Variants in KCNJ16 observed in about 807,000 individuals in gnomAD.
The protein encoded by KCNJ16 is inward rectifier potassium channel 16.
A neutral mutation model predicts 18.5 loss-of-function variants in KCNJ16; 15 were observed. That is an observed-to-expected ratio of 0.81 (90% CI 0.54 to 1.25). KCNJ16 has a LOEUF of 1.25. Ranked by LOEUF, KCNJ16 falls within the 50% of genes most tolerant of loss-of-function variation. KCNJ16 has a pLI of 0.00. For missense variants in KCNJ16, 523 were observed against 525.7 expected (o/e 0.99, Z 0.05); for synonymous variants, 174 against 186.5 (o/e 0.93, Z 0.55).
intron 2 of KCNJ16, among the ~76,000 whole-genome samples, chr17:70,107,206 C>T (rs4968796): frequency 0.46 from 70,502 of 152,030 alleles, 17,816 homozygotes; most frequent in South Asian, 0.63. Flanking sequence ...ATGTTGGAGA[C>T]GAGATTCAAA....
At position 70,090,924 on chromosome 17, in the gene KCNJ16, T is replaced by G. The variant is rs1170949434; in HGVS notation, c.-299-9734T>G. ...GTGGCTATGAAACAAAGATTCAAAA[T>G]CCTTAGCCTAACCGGTGAATGTTTT... is the stretch of plus-strand genomic sequence containing the variant. On this transcript the variant is annotated intron_variant, in intron 1 of 3. Transcript: ENST00000392671. Among the ~76,000 whole-genome samples, 3 of 152,210 alleles carry G rather than the reference T, an allele frequency of 2.0e-5. No homozygotes were observed. The East Asian group carries it at 5.8e-4, about 29-fold the overall frequency.
chr17:70,128,242 C>A (rs1015240613), intron 2 of KCNJ16: 1 of 152,150 alleles, frequency 6.6e-6, no homozygotes, highest in African/African-American at 2.4e-5. Flanking sequence ...TTGAAATGTA[C>A]TAAATTATTA....
At chr17:70,088,754 G>C (rs1391999966) in intron 1 of KCNJ16, among the ~76,000 whole-genome samples, 1 of 151,558 alleles carries the variant, frequency 6.6e-6, no homozygotes, top group Admixed American at 6.6e-5. Flanking sequence ...TTTCTAACTA[G>C]GAAACTTAGG....
chr17:70,095,661 GTTGT>G (rs1355426347), intron 1 of KCNJ16, among the ~76,000 whole-genome samples: 2 of 151,882 alleles, frequency 1.3e-5, no homozygotes, highest in African/African-American at 4.8e-5. Context: ...TCAGATGATC[GTTGT>G]TTATTTCCAC....
At chr17:70,097,022 T>C (rs145681704) in intron 1 of KCNJ16, 1 of 394,490 alleles carries the variant, frequency 2.5e-6, no homozygotes, top group East Asian at 3.6e-5. Context: ...GAAATCTCCA[T>C]GGTGAAATGC....
At chr17:70,126,702 A>G (rs2073867426) in intron 2 of KCNJ16, among the ~76,000 whole-genome samples, 1 of 152,192 alleles carries the variant, frequency 6.6e-6, no homozygotes. Context: ...ACTATTTATT[A>G]GATTGGTGCA....
At chr17:70,086,883 A>G (rs904481815) in intron 1 of KCNJ16, among the ~76,000 whole-genome samples, 1 of 152,006 alleles carries the variant, frequency 6.6e-6, no homozygotes, top group South Asian at 2.1e-4. Context: ...CTTTTACATC[A>G]ATTGTCACAT....
intron 1 of KCNJ16, among the ~76,000 whole-genome samples, chr17:70,088,739 T>G (rs1476111853): frequency 1.3e-5 from 2 of 152,150 alleles, no homozygotes; most frequent in Non-Finnish European, 2.9e-5. Flanking sequence ...CAAGTGATTT[T>G]TTTTTTTCTA....
chr17:70,078,332 A>G (rs1201355426), intron 1 of KCNJ16, among the ~76,000 whole-genome samples: 2 of 140,732 alleles, frequency 1.4e-5, no homozygotes, highest in East Asian at 4.4e-4. Flanking sequence ...GTCCCAAATT[A>G]GATTTATCCA....
chr17:70,121,900 A>G (rs937650663), intron 2 of KCNJ16, among the ~76,000 whole-genome samples: 4 of 152,200 alleles, frequency 2.6e-5, no homozygotes, highest in Non-Finnish European at 4.4e-5. Flanking sequence ...CAGAGGTTGC[A>G]GTGTGCCAAA....
At chr17:70,130,732 T>G in intron 2 of KCNJ16, 147 bp from the exon 3 acceptor site, 1 of 569,696 alleles carries the variant, frequency 1.8e-6, no homozygotes, top group Non-Finnish European at 3.1e-6. Context: ...ATTTTCTATG[T>G]AATAGAGAGG....
chr17:70,081,283 C>T (rs1432313320), intron 1 of KCNJ16, among the ~76,000 whole-genome samples: 1 of 152,150 alleles, frequency 6.6e-6, no homozygotes, highest in East Asian at 1.9e-4. Context: ...TTATCTAAGA[C>T]ATGATTTACA....
At chr17:70,091,530 C>T (rs2072090786) in intron 1 of KCNJ16, among the ~76,000 whole-genome samples, 1 of 152,094 alleles carries the variant, frequency 6.6e-6, no homozygotes. Context: ...GGATTTGCTG[C>T]AAACAAGTAA....
At chr17:70,129,677 G>T (rs2073989084) in intron 2 of KCNJ16, among the ~76,000 whole-genome samples, 1 of 152,186 alleles carries the variant, frequency 6.6e-6, no homozygotes, top group South Asian at 2.1e-4. Flanking sequence ...AGGAAACATG[G>T]TGAGCTTGGG....
At position 70,126,229 on chromosome 17, in the gene KCNJ16, A is replaced by G. The variant is rs117666525; in HGVS notation, c.-190-4650A>G. Among the ~76,000 whole-genome samples, 898 of 152,330 alleles carry G rather than the reference A, an allele frequency of 5.9e-3. 2 individuals are homozygous for G. The highest frequency in any genetic ancestry group is 8.4e-3 in the Non-Finnish European group (570 of 68,034). On this transcript the variant is annotated intron_variant, in intron 2 of 3. Transcript: ENST00000392671. Reference sequence around the variant, plus strand: ...AGAATGCTTTTGTTCTTAAGATATCAGGACATCAGGACATTTCCTGGGTCT... The same window carrying G: ...AGAATGCTTTTGTTCTTAAGATATCGGGACATCAGGACATTTCCTGGGTCT...
chr17:70,123,717 A>G (rs2073742384), intron 2 of KCNJ16, among the ~76,000 whole-genome samples: 1 of 152,106 alleles, frequency 6.6e-6, no homozygotes, highest in South Asian at 2.1e-4. Context: ...GCAAAAAAAA[A>G]AATTATAATA....
At chr17:70,115,233 C>T (rs9906269) in intron 2 of KCNJ16, among the ~76,000 whole-genome samples, 12,542 of 152,018 alleles carry the variant, frequency 0.083, 1,718 homozygotes, top group African/African-American at 0.29. Context: ...CTCTTAGAAT[C>T]TGAAAGAAAA....
At chr17:70,129,901 CATTTATTTATTTATTTATTT>C (rs36175135) in intron 2 of KCNJ16, among the ~76,000 whole-genome samples, 25 of 144,350 alleles carry the variant, frequency 1.7e-4, no homozygotes, top group South Asian at 9.0e-4. Context: ...TAAAACCTTT[CATTTATTTATTTATTTATTT>C]ATTTATTTAT....
At chr17:70,092,910 C>A (rs938530366) in intron 1 of KCNJ16, among the ~76,000 whole-genome samples, 1 of 152,140 alleles carries the variant, frequency 6.6e-6, no homozygotes, top group Non-Finnish European at 1.5e-5. Context: ...TGATGCCCCC[C>A]ACATTAGCGA....
Sources: allele counts gnomAD v4.1 joint callset (sites outside exome capture counted in the v4.1 genomes callset), GRCh38; gene constraint gnomAD v4.1.1; transcripts MANE v1.5; gene names NCBI Gene and HGNC (gene_info 2026-07-23, HGNC 2026-07-21).